PCOLCE2: variants seen among roughly 807,000 people sequenced by gnomAD.
The protein encoded by PCOLCE2 is procollagen C-proteinase enhancer 2.
In PCOLCE2, 42 loss-of-function variants were observed where a neutral mutation model predicts 47.0. That is an observed-to-expected ratio of 0.89 (90% CI 0.70 to 1.16). The LOEUF (loss-of-function observed/expected upper bound fraction) is 1.16. Ranked by LOEUF, PCOLCE2 falls within the 50% of genes most tolerant of loss-of-function variation. PCOLCE2 has a pLI of 0.00. For synonymous variants in PCOLCE2, 169 were observed against 191.7 expected (o/e 0.88, Z 0.98); for missense variants, 500 against 526.1 (o/e 0.95, Z 0.49).
At chr3:142,827,213 A>G (rs1937090622) in intron 6 of PCOLCE2, 1 of 1,254,844 alleles carries the variant, frequency 8.0e-7, no homozygotes, top group African/African-American at 1.5e-5. Context: ...GGGGATGCCG[A>G]TGTGCTGGTG....
Position 142,848,273 on chromosome 3 carries a change from T to G in PCOLCE2, c.392A>C (p.Asn131Thr). The G allele has an allele frequency of 6.2e-7, 1 of 1,614,108 alleles. No individual in the cohort carries two copies. The highest frequency in any genetic ancestry group is 8.5e-7 in the Non-Finnish European group (1 of 1,179,916). ...KMMVQMISDA[N>T]TAGNGFMAMF... ...GGCCATGAAGCCATTGCCAGCTGTGTTGGCATCAGAAATCATCTGCACCAT... is the reference window on the plus strand; with the variant it reads ...GGCCATGAAGCCATTGCCAGCTGTGGTGGCATCAGAAATCATCTGCACCAT... Residue 131 changes from asparagine (N) to threonine (T), a missense_variant, in exon 3 of 9, where the codon AAC (asparagine) becomes ACC (threonine). Asn to Thr is a moderately conservative substitution (Grantham distance 65). Coordinates refer to ENST00000295992, the MANE Select transcript of PCOLCE2 (RefSeq NM_013363.4).
chr3:142,846,358 T>C (rs1937328294), intron 3 of PCOLCE2, among the ~76,000 whole-genome samples: 1 of 152,112 alleles, frequency 6.6e-6, no homozygotes, highest in South Asian at 2.1e-4. Flanking sequence ...CCACCATGCC[T>C]GGCTAATTTT....
At chr3:142,887,891 T>G (rs1933745664) in intron 1 of PCOLCE2, 114 bp from the exon 2 acceptor site, 2 of 640,694 alleles carry the variant, frequency 3.1e-6, no homozygotes, top group Non-Finnish European at 5.5e-6. Context: ...TGTTGATTAA[T>G]CAATGCTTGC....
intron 5 of PCOLCE2, among the ~76,000 whole-genome samples, chr3:142,836,339 AC>A (rs1937203930): frequency 6.6e-6 from 1 of 151,360 alleles, no homozygotes; most frequent in African/African-American, 2.4e-5. Context: ...TTTGCTCCAA[AC>A]CCCCCTGGCC....
intron 6 of PCOLCE2, among the ~76,000 whole-genome samples, chr3:142,825,629 T>C (rs974329603): frequency 1.3e-5 from 2 of 152,168 alleles, no homozygotes; most frequent in African/African-American, 4.8e-5. Flanking sequence ...ATTTAATCAC[T>C]CTATGACTAT....
chr3:142,877,729 C>A (rs1195881855), intron 2 of PCOLCE2, among the ~76,000 whole-genome samples: 2 of 152,220 alleles, frequency 1.3e-5, no homozygotes, highest in Non-Finnish European at 2.9e-5. Flanking sequence ...CTTCTAGTAA[C>A]TGAGCAGTAT....
intron 2 of PCOLCE2, among the ~76,000 whole-genome samples, chr3:142,884,210 G>C (rs115756928): frequency 1.3e-5 from 2 of 152,206 alleles, no homozygotes; most frequent in East Asian, 3.8e-4. Context: ...GAGGGGTCCA[G>C]GTGGTGGGAT....
chr3:142,834,927 T>C (rs1454692552), intron 5 of PCOLCE2, among the ~76,000 whole-genome samples: 1 of 152,202 alleles, frequency 6.6e-6, no homozygotes. Context: ...TCAGAACTTT[T>C]CCTTCCTTGA....
intron 6 of PCOLCE2, chr3:142,827,000 G>C (rs1461649938): frequency 3.0e-6 from 2 of 664,360 alleles, no homozygotes; most frequent in South Asian, 3.4e-5. Context: ...TCTCTGCCTA[G>C]GTCATCTCGT....
At chr3:142,857,234 G>A (rs1578042638) in intron 2 of PCOLCE2, among the ~76,000 whole-genome samples, 1 of 152,210 alleles carries the variant, frequency 6.6e-6, no homozygotes, top group Non-Finnish European at 1.5e-5. Flanking sequence ...CAAATGCTTG[G>A]AGACTGGAAG....
intron 2 of PCOLCE2, among the ~76,000 whole-genome samples, chr3:142,850,741 T>C (rs1937380799): frequency 6.6e-6 from 1 of 151,464 alleles, no homozygotes; most frequent in Non-Finnish European, 1.5e-5. Flanking sequence ...TGAGAGGAAA[T>C]GGTGACAATA....
At chr3:142,831,544 G>C (rs1238196796) in intron 5 of PCOLCE2, among the ~76,000 whole-genome samples, 2 of 152,226 alleles carry the variant, frequency 1.3e-5, no homozygotes, top group African/African-American at 4.8e-5. Flanking sequence ...CAAAAGTGAT[G>C]AAGTTATTTA....
At chr3:142,880,148 T>C (rs1316055788) in intron 2 of PCOLCE2, among the ~76,000 whole-genome samples, 1 of 149,780 alleles carries the variant, frequency 6.7e-6, no homozygotes, top group Non-Finnish European at 1.5e-5. Context: ...TATTCTTACA[T>C]AAAAATAATA....
chr3:142,859,564 GTT>G, intron 2 of PCOLCE2, among the ~76,000 whole-genome samples: 1 of 144,356 alleles, frequency 6.9e-6, no homozygotes, highest in African/African-American at 2.5e-5. Context: ...TTTCTTTCTT[GTT>G]TTTTTTTTTT....
chr3:142,869,525 G>T lies in PCOLCE2; in HGVS notation c.192+18144C>A, dbSNP rs115688775. Among the ~76,000 whole-genome samples the T allele has an allele frequency of 3.6e-3, 549 of 152,290 alleles. 2 individuals are homozygous for T. The highest frequency in any genetic ancestry group is 0.012 in the African/African-American group (518 of 41,560). ...CAGATCTTCTCCCTGATCCAGGAGA[G>T]AATTAAGAGTCTGGCACCTTTTGAA... On this transcript the variant is annotated intron_variant, in intron 2 of 8. Transcript: ENST00000295992.
chr3:142,832,587 A>T (rs1004157157), intron 5 of PCOLCE2, among the ~76,000 whole-genome samples: 8 of 152,184 alleles, frequency 5.3e-5, no homozygotes, highest in Admixed American at 3.3e-4. Flanking sequence ...ACTTGTCCAG[A>T]CTGGGCCAAA....
At chr3:142,862,672 A>G (rs1933201592) in intron 2 of PCOLCE2, among the ~76,000 whole-genome samples, 1 of 152,216 alleles carries the variant, frequency 6.6e-6, no homozygotes, top group South Asian at 2.1e-4. Context: ...CATGTATAAC[A>G]TTATAAAATA....
At chr3:142,880,014 AT>A (rs1933580544) in intron 2 of PCOLCE2, among the ~76,000 whole-genome samples, 1 of 151,100 alleles carries the variant, frequency 6.6e-6, no homozygotes, top group Admixed American at 6.6e-5. Context: ...TTTCCAAATT[AT>A]ACTTTCTGGA....
intron 5 of PCOLCE2, among the ~76,000 whole-genome samples, chr3:142,836,752 T>C (rs546600358): frequency 4.0e-5 from 6 of 151,586 alleles, no homozygotes; most frequent in Non-Finnish European, 8.8e-5. Flanking sequence ...AGAACTTAGG[T>C]TTATAGGCTA....
Sources: allele counts gnomAD v4.1 joint callset (sites outside exome capture counted in the v4.1 genomes callset), GRCh38; gene constraint gnomAD v4.1.1; transcripts MANE v1.5; gene names NCBI Gene and HGNC (gene_info 2026-07-23, HGNC 2026-07-21).